Variants in GRM8 observed in about 807,000 individuals in gnomAD.
GRM8 encodes the protein metabotropic glutamate receptor 8.
A neutral mutation model predicts 87.2 loss-of-function variants in GRM8; 47 were observed. The ratio of observed to expected loss-of-function variants is 0.54; its 90% confidence interval spans 0.43 to 0.69. GRM8 has a LOEUF of 0.69. GRM8 is among the 30% of genes least tolerant of loss of function. GRM8 has a pLI of 0.00. For synonymous variants in GRM8, 396 were observed against 404.5 expected, an observed-to-expected ratio of 0.98 and a Z score of 0.25; for missense variants, 1,019 against 1,139.2, an observed-to-expected ratio of 0.89 and a Z score of 1.52.
intron 6 of GRM8, among the ~76,000 whole-genome samples, chr7:126,809,968 TACTCTC>T (rs1374175536): frequency 2.6e-5 from 4 of 152,204 alleles, no homozygotes; most frequent in Non-Finnish European, 4.4e-5. Flanking sequence ...GAATTCCACT[TACTCTC>T]AGTCTTAGCA....
chr7:126,843,209 G>T (rs1796430310), intron 6 of GRM8, among the ~76,000 whole-genome samples: 1 of 152,128 alleles, frequency 6.6e-6, no homozygotes, highest in East Asian at 1.9e-4. Context: ...TTTCATGTCA[G>T]TTTTGGCAGA....
At chr7:126,499,489 G>A (rs1809313143) in intron 9 of GRM8, among the ~76,000 whole-genome samples, 1 of 151,230 alleles carries the variant, frequency 6.6e-6, no homozygotes, top group Admixed American at 6.6e-5. Context: ...AAATGACATC[G>A]GTATGATGAA....
intron 3 of GRM8, among the ~76,000 whole-genome samples, chr7:126,986,610 A>C (rs1812098204): frequency 6.6e-6 from 1 of 152,216 alleles, no homozygotes; most frequent in Non-Finnish European, 1.5e-5. Context: ...AATTATTAAT[A>C]TACACAAATG....
chr7:127,102,024 C>T (rs1473702422), intron 3 of GRM8, among the ~76,000 whole-genome samples: 1 of 152,174 alleles, frequency 6.6e-6, no homozygotes, highest in Non-Finnish European at 1.5e-5. Flanking sequence ...CTGTGTTATG[C>T]CTTAGCAAAT....
chr7:126,662,573 T>C (rs1471524522), intron 7 of GRM8, among the ~76,000 whole-genome samples: 2 of 152,100 alleles, frequency 1.3e-5, no homozygotes, highest in Admixed American at 6.5e-5. Flanking sequence ...AAGAGATCAA[T>C]AGGAATCTCT....
intron 2 of GRM8, among the ~76,000 whole-genome samples, chr7:127,163,284 G>A (rs577070797): frequency 6.6e-6 from 1 of 152,280 alleles, no homozygotes; most frequent in African/African-American, 2.4e-5. Flanking sequence ...TTCTTGTTGA[G>A]TTTAATCAGT....
At chr7:126,696,779 T>C (rs1311584245) in intron 7 of GRM8, among the ~76,000 whole-genome samples, 4 of 151,998 alleles carry the variant, frequency 2.6e-5, no homozygotes, top group South Asian at 2.1e-4. Context: ...GATGGGATTA[T>C]TGTAGACAGT....
intron 2 of GRM8, among the ~76,000 whole-genome samples, chr7:127,174,939 A>C (rs1794012776): frequency 6.6e-6 from 1 of 152,184 alleles, no homozygotes; most frequent in Non-Finnish European, 1.5e-5. Context: ...GCTTATGGAC[A>C]AACAGGGAGC....
intron 3 of GRM8, among the ~76,000 whole-genome samples, chr7:126,994,526 C>G (rs762046219): frequency 6.6e-6 from 1 of 152,138 alleles, no homozygotes; most frequent in Non-Finnish European, 1.5e-5. Flanking sequence ...GAAGAGTGAG[C>G]CCCAGGCCTG....
At chr7:126,772,858 A>G (rs1818997120) in intron 6 of GRM8, among the ~76,000 whole-genome samples, 1 of 152,146 alleles carries the variant, frequency 6.6e-6, no homozygotes. Context: ...ATCTGCAAAT[A>G]AGAAAGAATT....
At chr7:127,048,976 A>G (rs567788397) in intron 3 of GRM8, among the ~76,000 whole-genome samples, 2 of 152,290 alleles carry the variant, frequency 1.3e-5, no homozygotes, top group African/African-American at 2.4e-5. Context: ...AAATAAACCT[A>G]TAGACTTGGG....
At chr7:126,980,925 G>A (rs1163021581) in intron 3 of GRM8, 3 of 152,174 alleles carry the variant, frequency 2.0e-5, no homozygotes, top group African/African-American at 7.2e-5. Flanking sequence ...AACCTTCTCT[G>A]CACTAGGGAA....
intron 3 of GRM8, among the ~76,000 whole-genome samples, chr7:126,936,360 G>A (rs1344655830): frequency 6.6e-6 from 1 of 152,094 alleles, no homozygotes; most frequent in Non-Finnish European, 1.5e-5. Flanking sequence ...GAAAGAGAAA[G>A]TATTTAAGGG....
At chr7:126,461,880 TTTAAG>T (rs1289219693) in intron 9 of GRM8, among the ~76,000 whole-genome samples, 4 of 151,688 alleles carry the variant, frequency 2.6e-5, no homozygotes. Flanking sequence ...TGCATTTTCC[TTTAAG>T]TTATTTCATT....
At chr7:127,164,339 T>C (rs1793305666) in intron 2 of GRM8, among the ~76,000 whole-genome samples, 1 of 152,138 alleles carries the variant, frequency 6.6e-6, no homozygotes, top group Non-Finnish European at 1.5e-5. Flanking sequence ...TATCTCTTTA[T>C]AGCAGTGCAA....
At position 126,808,073 on chromosome 7, in the gene GRM8, T is replaced by G. The variant is rs547465217; in HGVS notation, c.1157-38008A>C. Among the ~76,000 whole-genome samples, 3 of 152,314 alleles carry G rather than the reference T, an allele frequency of 2.0e-5. No individual in the cohort carries two copies. The East Asian group carries it at 5.8e-4, about 29-fold the overall frequency. ...AATAGATTGGGCTATAATTCAATCA[T>G]GCAAACAGAGAAAACATGACACTAT... On this transcript the variant is annotated intron_variant, in intron 6 of 10. Transcript: ENST00000339582.
chr7:126,909,000 T>A (rs1306787561), intron 3 of GRM8, among the ~76,000 whole-genome samples: 1 of 152,224 alleles, frequency 6.6e-6, no homozygotes, highest in Non-Finnish European at 1.5e-5. Context: ...TTTCTTCATA[T>A]CAGTCAAAAA....
At chr7:126,739,016 T>G (rs1814606567) in intron 7 of GRM8, among the ~76,000 whole-genome samples, 2 of 151,706 alleles carry the variant, frequency 1.3e-5, no homozygotes, top group Admixed American at 1.3e-4. Context: ...AAGGAAATAT[T>G]GGTACAGGGA....
At chr7:126,592,000 A>G (rs547982712) in intron 8 of GRM8, among the ~76,000 whole-genome samples, 2 of 151,954 alleles carry the variant, frequency 1.3e-5, no homozygotes, top group South Asian at 4.1e-4. Flanking sequence ...AGAAAAACTC[A>G]GAAAAAAATG....
Sources: gnomAD v4.1 joint callset for allele counts (sites outside exome capture counted in the v4.1 genomes callset) on GRCh38, gnomAD v4.1.1 for gene constraint, MANE v1.5 for transcripts, NCBI Gene and HGNC (gene_info 2026-07-23, HGNC 2026-07-21) for gene names.